Variants in TSR2 observed in about 807,000 individuals in gnomAD.
TSR2 encodes the protein TSR2 ribosome maturation factor.
Under a neutral mutation model 13.3 loss-of-function variants are expected in TSR2, and 1 was observed. The observed-to-expected ratio is 0.08, with a 90% CI of 0.03 to 0.36. TSR2 has a LOEUF of 0.36. Among genes scored for constraint, TSR2 ranks in the 10% least tolerant of loss-of-function variants. The pLI is 0.99. For synonymous variants in TSR2, 60 were observed against 57.7 expected (o/e 1.04, Z -0.18); for missense variants, 120 against 151.1 (o/e 0.79, Z 1.08).
At position 54,444,822 on chromosome X, in the gene TSR2, G is replaced by A. The variant is rs1168055744; in HGVS notation, c.*272G>A. The A allele has an allele frequency of 2.2e-5, 4 of 179,013 alleles. No individual in the cohort carries two copies. The highest frequency in any genetic ancestry group is 1.2e-4 in the African/African-American group (4 of 32,763). 14.8% of individuals were successfully genotyped at this position (179,013 alleles called of 1,213,427 possible). A position where few individuals can be genotyped will look rare whatever the true frequency, so the allele number is the denominator to read the frequency against. On this transcript the variant is annotated 3_prime_UTR_variant, in exon 5 of 5. Coordinates refer to ENST00000375151, the MANE Select transcript of TSR2 (RefSeq NM_058163.3). The stretch of plus-strand genomic sequence containing the variant: ...CCCAGTACAGTGTCTTTTGGGTGCG[G>A]TCATTGTGAGGAAGGGGATGAGTGA...
chrX:54,445,911 C>T lies in TSR2; in HGVS notation c.*1361C>T. The T allele has an allele frequency of 2.3e-6, 1 of 433,587 alleles. No individual in the cohort carries two copies. The highest frequency in any genetic ancestry group is 4.0e-6 in the Non-Finnish European group (1 of 247,598). 35.7% of individuals were successfully genotyped at this position (433,587 alleles called of 1,213,427 possible). A position where few individuals can be genotyped will look rare whatever the true frequency, so the allele number is the denominator to read the frequency against. On this transcript the variant is annotated 3_prime_UTR_variant, in exon 5 of 5. Coordinates refer to ENST00000375151, the MANE Select transcript of TSR2 (RefSeq NM_058163.3). ...CAGGGATTAATAAAAATTGACATCA[C>T]TGTAGGAATATATTTTTTAAAAGCC...
In TSR2 at chrX:54,441,079, C is replaced by T. The variant is rs1302632718; in HGVS notation, c.172+299C>T. Reference sequence around the variant, plus strand: ...TGTACAGTAGAAATATTATGCTAGTCACATATAATTTAAAATTTTTTAGTA... The same window carrying T: ...TGTACAGTAGAAATATTATGCTAGTTACATATAATTTAAAATTTTTTAGTA... On this transcript the variant is annotated intron_variant, in intron 2 of 4. Transcript: ENST00000375151. 9.9e-5 allele frequency among the ~76,000 whole-genome samples: 11 copies of T among 111,654 alleles called. No individual in the cohort carries two copies. In the Admixed American group the frequency reaches 1.0e-3, roughly 11 times the overall value.
At chrX:54,440,617 G>A (rs2147412832) in intron 1 of TSR2, 73 bp from the exon 2 acceptor site, 1 of 1,136,390 alleles carries the variant, frequency 8.8e-7, no homozygotes. Context: ...TTGGCTGGGC[G>A]GCGTAAGCGG....
At position 54,445,995 on chromosome X, in the gene TSR2, G is replaced by A; in HGVS notation, c.*1445G>A. On this transcript the variant is annotated 3_prime_UTR_variant, in exon 5 of 5. Transcript: ENST00000375151. ...AGACCCAGCATTCGGGATTGAAAGT[G>A]CCCGTGATGGGAGTTCAAGTATTGA... 2 of 535,463 alleles carry A rather than the reference G, an allele frequency of 3.7e-6. No individual in the cohort carries two copies. Among genetic ancestry groups the A allele is most frequent in the Non-Finnish European group, 6.1e-6 (2 of 329,240 alleles). 44.1% of individuals were successfully genotyped at this position (535,463 alleles called of 1,213,427 possible).
intron 2 of TSR2, among the ~76,000 whole-genome samples, chrX:54,441,632 G>C (rs898189708): frequency 9.0e-6 from 1 of 111,122 alleles, no homozygotes; most frequent in Non-Finnish European, 1.9e-5. Flanking sequence ...AACTAGGTGG[G>C]GGAAGCAGAG....
chrX:54,444,612 G>GT lies in TSR2; in HGVS notation c.*72dup, dbSNP rs1214253442. On this transcript the variant is annotated 3_prime_UTR_variant, in exon 5 of 5. Coordinates refer to ENST00000375151, the MANE Select transcript of TSR2 (RefSeq NM_058163.3). ...GCTGTTCTAAGAGTTGTCTGTAGGGGTTTTTTTTTTGAGGATTGCAGACCT... is the reference window on the plus strand; with the variant it reads ...GCTGTTCTAAGAGTTGTCTGTAGGGGTTTTTTTTTTTGAGGATTGCAGACCT... The GT allele has an allele frequency of 0.012, 10,754 of 899,313 alleles. No individual in the cohort carries two copies. The highest frequency in any genetic ancestry group is 0.014 in the East Asian group (340 of 24,273). The allele number at this position is 899,313 out of a possible 1,213,427, so 74.1% of individuals were successfully genotyped here.
chrX:54,444,301 C>T, intron 4 of TSR2, 115 bp from the exon 5 acceptor site: 1 of 1,149,382 alleles, frequency 8.7e-7, no homozygotes, highest in South Asian at 2.1e-5. Context: ...GTAGTATTAT[C>T]CAGAGAGGGC....
intron 2 of TSR2, among the ~76,000 whole-genome samples, chrX:54,441,339 C>A (rs778864547): frequency 8.9e-6 from 1 of 111,953 alleles, no homozygotes; most frequent in Non-Finnish European, 1.9e-5. Flanking sequence ...ACTGTAGGCT[C>A]GTCTTGAGGG....
rs1377057534 is a variant in TSR2, at chrX:54,444,472, C to T, written c.498C>T (p.Pro166=). ...ATDGVCPQPE[P]SDPDAQTIKE... is the part of the protein sequence containing the mutation. ...ATGGGGTCTGCCCCCAGCCTGAACCCTCTGATCCAGACGCTCAGACTATTA... is the reference window on the plus strand; with the variant it reads ...ATGGGGTCTGCCCCCAGCCTGAACCTTCTGATCCAGACGCTCAGACTATTA... The change falls in exon 5 of 5, where the codon CCC becomes CCT. Residue 166 remains proline, a synonymous_variant. Coordinates refer to ENST00000375151, the MANE Select transcript of TSR2 (RefSeq NM_058163.3). 2 of 1,210,279 alleles carry T rather than the reference C, an allele frequency of 1.7e-6. No homozygotes were observed. Among genetic ancestry groups the T allele is most frequent in the East Asian group, 3.0e-5 (1 of 33,837 alleles).
In TSR2 at chrX:54,446,913, G is replaced by A. The variant is rs923176244; in HGVS notation, c.*2363G>A. On this transcript the variant is annotated 3_prime_UTR_variant, in exon 5 of 5. Transcript: ENST00000375151. The stretch of plus-strand genomic sequence containing the variant: ...TAATTTTTGTATTTTTAGTAGAGAC[G>A]GGGTTTCACCATGTTGGCCAGGCTG... Among the ~76,000 whole-genome samples, 7 of 109,577 alleles carry A rather than the reference G, an allele frequency of 6.4e-5. No individual in the cohort carries two copies. The highest frequency in any genetic ancestry group is 1.3e-4 in the Non-Finnish European group (7 of 52,639).
chrX:54,446,546 G>A lies in TSR2; in HGVS notation c.*1996G>A, dbSNP rs1036161792. On this transcript the variant is annotated 3_prime_UTR_variant, in exon 5 of 5. Coordinates refer to ENST00000375151, the MANE Select transcript of TSR2 (RefSeq NM_058163.3). ...GAACTCCCCTACTCAGGAACCTTCC[G>A]TGGCTCCAGTGTTATCAACAGGAAC... 5.3e-6 allele frequency: 3 copies of A among 561,736 alleles called. No individual in the cohort carries two copies. The highest frequency in any genetic ancestry group is 8.5e-6 in the Non-Finnish European group (3 of 353,826). The allele number at this position is 561,736 out of a possible 1,213,427, so 46.3% of individuals were successfully genotyped here. A position where few individuals can be genotyped will look rare whatever the true frequency, so the allele number is the denominator to read the frequency against.
rs1922035288 is a variant in TSR2 at position 54,444,142 on chromosome X, T to C, written c.399T>C (p.Thr133=). 4.1e-6 allele frequency: 5 copies of C among 1,211,141 alleles called. No homozygotes were observed. In the South Asian group the frequency reaches 8.8e-5, roughly 21 times the overall value. The change falls in exon 4 of 5, where the codon ACT becomes ACC. Residue 133 remains threonine (T), a synonymous_variant. Transcript: ENST00000375151. ...CTGCACTTAAGACAGCTAGAGAGAC[T>C]GATGAGGATGAAGATGATGTGGACA... The part of the protein sequence containing the change: ...TATALKTARE[T]DEDEDDVDSV...
At chrX:54,441,060 G>A (rs1473507267) in intron 2 of TSR2, among the ~76,000 whole-genome samples, 1 of 111,909 alleles carries the variant, frequency 8.9e-6, no homozygotes. Context: ...GCGCTGTACA[G>A]TAGAAATATT....
chrX:54,444,375 G>C, intron 4 of TSR2, 41 bp from the exon 5 acceptor site: 1 of 1,179,251 alleles, frequency 8.5e-7, no homozygotes, highest in South Asian at 1.9e-5. Context: ...TGGGTCTCCA[G>C]TGGTCAGTGT....
intron 4 of TSR2, 55 bp from the exon 5 acceptor site, chrX:54,444,361 A>G: frequency 1.7e-6 from 2 of 1,167,201 alleles, no homozygotes; most frequent in Non-Finnish European, 2.3e-6. Flanking sequence ...GCTGGAGCAG[A>G]GCCTGGGTCT....
In TSR2 at chrX:54,445,906, C is replaced by T; in HGVS notation, c.*1356C>T. On this transcript the variant is annotated 3_prime_UTR_variant, in exon 5 of 5. Coordinates refer to ENST00000375151, the MANE Select transcript of TSR2 (RefSeq NM_058163.3). ...GGGGACAGGGATTAATAAAAATTGACATCACTGTAGGAATATATTTTTTAA... is the reference window on the plus strand; with the variant it reads ...GGGGACAGGGATTAATAAAAATTGATATCACTGTAGGAATATATTTTTTAA... 2.4e-6 allele frequency: 1 copy of T among 419,317 alleles called. No homozygotes were observed. Among genetic ancestry groups the T allele is most frequent in the Non-Finnish European group, 4.1e-6 (1 of 241,036 alleles). The allele number at this position is 419,317 out of a possible 1,213,427, so 34.6% of individuals were successfully genotyped here. A position where few individuals can be genotyped will look rare whatever the true frequency, so the allele number is the denominator to read the frequency against.
rs1482035215 is a variant in TSR2 at position 54,447,253 on chromosome X, A to G, written c.*2703A>G. On this transcript the variant is annotated 3_prime_UTR_variant, in exon 5 of 5. Coordinates refer to ENST00000375151, the MANE Select transcript of TSR2 (RefSeq NM_058163.3). Reference sequence around the variant, plus strand: ...ATCTTCCAAGGCCAAGGAGAGGTCAAGGACTGGATCTGGCTTTGCCAGGTG... The same window carrying G: ...ATCTTCCAAGGCCAAGGAGAGGTCAGGGACTGGATCTGGCTTTGCCAGGTG... 12 of 1,169,930 alleles carry G rather than the reference A, an allele frequency of 1.0e-5. No homozygotes were observed. The highest frequency in any genetic ancestry group is 1.4e-5 in the Non-Finnish European group (12 of 858,870).
rs1171684848 is a variant in TSR2 at position 54,444,587 on chromosome X, G to A, written c.*37G>A. 1 of 1,197,224 alleles carries A rather than the reference G, an allele frequency of 8.4e-7. No individual in the cohort carries two copies. Among genetic ancestry groups the A allele is most frequent in the Middle Eastern group, 2.3e-4 (1 of 4,292 alleles). On this transcript the variant is annotated 3_prime_UTR_variant, in exon 5 of 5. Transcript: ENST00000375151. ...TGGAAATGGCTTTGGGCCCTTATTT[G>A]CTGTTCTAAGAGTTGTCTGTAGGGG...
At position 54,444,611 on chromosome X, in the gene TSR2, G is replaced by A; in HGVS notation, c.*61G>A. ...TGCTGTTCTAAGAGTTGTCTGTAGG[G>A]GTTTTTTTTTTGAGGATTGCAGACC... On this transcript the variant is annotated 3_prime_UTR_variant, in exon 5 of 5. Transcript: ENST00000375151. 1 of 1,131,053 alleles carries A rather than the reference G, an allele frequency of 8.8e-7. No homozygotes were observed. The highest frequency in any genetic ancestry group is 1.2e-6 in the Non-Finnish European group (1 of 843,439). 93.2% of individuals were successfully genotyped at this position (1,131,053 alleles called of 1,213,427 possible).
Sources: allele counts gnomAD v4.1 joint callset (sites outside exome capture counted in the v4.1 genomes callset), GRCh38; gene constraint gnomAD v4.1.1; transcripts MANE v1.5; gene names NCBI Gene and HGNC (gene_info 2026-07-23, HGNC 2026-07-21).